Variants in MBNL3 observed in about 807,000 individuals in gnomAD.
MBNL3 encodes the protein muscleblind-like protein 3.
A neutral mutation model predicts 24.5 loss-of-function variants in MBNL3; 6 were observed. The observed-to-expected ratio is 0.25, with a 90% confidence interval of 0.13 to 0.48. The LOEUF is 0.48. Ranked by LOEUF, MBNL3 falls within the 20% of genes least tolerant of loss-of-function variation. MBNL3 has a pLI of 0.99. For synonymous variants in MBNL3, 100 were observed against 101.7 expected (o/e 0.98, Z 0.10); for missense variants, 230 against 293.5 (o/e 0.78, Z 1.58).
chrX:132,440,085 C>T lies in MBNL3; in HGVS notation c.-474G>A, dbSNP rs750014521. On this transcript the variant is annotated 5_prime_UTR_variant, in exon 2 of 9. Transcript: ENST00000370853. Reference sequence around the variant, plus strand: ...AACAAGATTGGGAAGGATGTTAGAACCCAAAAAAAGTTTCGTTGCAAAATC... The same window carrying T: ...AACAAGATTGGGAAGGATGTTAGAATCCAAAAAAAGTTTCGTTGCAAAATC... 8.1e-5 allele frequency among the ~76,000 whole-genome samples: 9 copies of T among 110,579 alleles called. No individual in the cohort carries two copies. The East Asian group carries it at 2.6e-3, about 31-fold the overall frequency.
At chrX:132,463,577 C>A (rs747390492) in intron 1 of MBNL3, among the ~76,000 whole-genome samples, 3 of 112,228 alleles carry the variant, frequency 2.7e-5, no homozygotes, top group Admixed American at 1.9e-4. Flanking sequence ...TATCCACACA[C>A]GGCAAGCCCA....
rs1337903178 is a variant in MBNL3 at position 132,462,974 on chromosome X, C to A, written c.-703-22660G>T. On this transcript the variant is annotated intron_variant, in intron 1 of 8. Coordinates refer to ENST00000370853, the MANE Select transcript of MBNL3 (RefSeq NM_001386889.1). The stretch of plus-strand genomic sequence containing the variant: ...CGGGAAGTTGTCCATAAGCATAGGG[C>A]CCAGAGCTTTTTAATAAACAAAAAA... Among the ~76,000 whole-genome samples the A allele has an allele frequency of 7.2e-5, 8 of 111,181 alleles. No individual in the cohort carries two copies. The East Asian group carries it at 2.2e-3, about 31-fold the overall frequency.
At chrX:132,448,440 T>C (rs1430661267) in intron 1 of MBNL3, among the ~76,000 whole-genome samples, 1 of 112,180 alleles carries the variant, frequency 8.9e-6, no homozygotes, top group Non-Finnish European at 1.9e-5. Context: ...TAGCGGTGTT[T>C]ATAGTATTCT....
intron 1 of MBNL3, among the ~76,000 whole-genome samples, chrX:132,446,881 G>A (rs1371520872): frequency 9.0e-6 from 1 of 111,616 alleles, no homozygotes; most frequent in Non-Finnish European, 1.9e-5. Context: ...GGGTTTTATA[G>A]GTCTTATGTT....
intron 4 of MBNL3, 43 bp from the exon 5 acceptor site, chrX:132,391,126 A>C: frequency 9.8e-7 from 1 of 1,017,881 alleles, no homozygotes; most frequent in Non-Finnish European, 1.4e-6. Flanking sequence ...CACACTGATG[A>C]CTGGAAGCTG....
intron 8 of MBNL3, among the ~76,000 whole-genome samples, chrX:132,380,146 T>C (rs1405749917): frequency 8.9e-6 from 1 of 112,463 alleles, no homozygotes; most frequent in Non-Finnish European, 1.9e-5. Context: ...ATTTTTGAAC[T>C]TTAGAGGAAT....
chrX:132,451,440 C>A (rs1438526942), intron 1 of MBNL3, among the ~76,000 whole-genome samples: 1 of 111,609 alleles, frequency 9.0e-6, no homozygotes, highest in Non-Finnish European at 1.9e-5. Context: ...CCACACAGTT[C>A]GAACTTTGAG....
At position 132,371,416 on chromosome X, in the gene MBNL3, C is replaced by G. The variant is rs1006650100; in HGVS notation, c.*8250G>C. The G allele has an allele frequency of 8.9e-6, 1 of 112,315 alleles. No individual in the cohort carries two copies. The highest frequency in any genetic ancestry group is 3.2e-5 in the African/African-American group (1 of 30,931). The allele number at this position is 112,315 out of a possible 1,213,427, so 9.3% of individuals were successfully genotyped here. On this transcript the variant is annotated 3_prime_UTR_variant, in exon 9 of 9. Transcript: ENST00000370853. ...GGCAGAATAAAGTATTACTAAATTA[C>G]ATTTACTTTCTTAAAGAACAAAAAT... is the stretch of plus-strand genomic sequence containing the variant.
rs754067143 is a variant in MBNL3, at chrX:132,426,359, C to T, written c.177+13076G>A. Among the ~76,000 whole-genome samples the T allele has an allele frequency of 2.7e-5, 3 of 112,023 alleles. No individual in the cohort carries two copies. The South Asian group carries it at 1.1e-3, about 42-fold the overall frequency. On this transcript the variant is annotated intron_variant, in intron 2 of 8. Transcript: ENST00000370853. ...TACTTAACCATGTTGGCTTCATCTG[C>T]ATCTCAATTCCATCGCTAGTTTTCC... is the stretch of plus-strand genomic sequence containing the variant.
intron 2 of MBNL3, chrX:132,430,533 A>G (rs1188260501): frequency 9.0e-6 from 1 of 111,659 alleles, no homozygotes; most frequent in Non-Finnish European, 1.9e-5. Flanking sequence ...CATGACCATG[A>G]CACTTTGGAT....
At chrX:132,488,225 G>GCTAT (rs1411266193) in intron 1 of MBNL3, among the ~76,000 whole-genome samples, 1 of 110,332 alleles carries the variant, frequency 9.1e-6, no homozygotes, top group African/African-American at 3.3e-5. Flanking sequence ...TAGCTAGCTA[G>GCTAT]CTATCTAAGA....
At chrX:132,462,442 G>A (rs1946672818) in intron 1 of MBNL3, among the ~76,000 whole-genome samples, 1 of 112,398 alleles carries the variant, frequency 8.9e-6, no homozygotes, top group African/African-American at 3.2e-5. Context: ...ATCTGCTAGA[G>A]AAGTTCACAG....
intron 2 of MBNL3, among the ~76,000 whole-genome samples, chrX:132,415,960 T>A (rs1238165365): frequency 9.0e-6 from 1 of 110,671 alleles, no homozygotes; most frequent in Non-Finnish European, 1.9e-5. Context: ...GAATGTAAAT[T>A]AGCACAGCCA....
At chrX:132,388,743 T>C (rs551767980) in intron 5 of MBNL3, among the ~76,000 whole-genome samples, 13 of 107,661 alleles carry the variant, frequency 1.2e-4, no homozygotes, top group African/African-American at 2.7e-4. Context: ...GTCTCTCTCT[T>C]TTTTTTTTTA....
chrX:132,386,784 T>A lies in MBNL3; in HGVS notation c.799A>T (p.Ile267Leu). The A allele has an allele frequency of 8.3e-7, 1 of 1,210,922 alleles. No individual in the cohort carries two copies. Among genetic ancestry groups the A allele is most frequent in the Non-Finnish European group, 1.1e-6 (1 of 895,376 alleles). Residue 267 changes from isoleucine (I) to leucine (L), a missense_variant, in exon 6 of 9, where the codon ATA becomes TTA. By Grantham distance (5) the Ile-to-Leu change is conservative (BLOSUM62 2). Coordinates refer to ENST00000370853, the MANE Select transcript of MBNL3 (RefSeq NM_001386889.1). The part of the protein sequence containing the change: ...MALQPGTLQL[I>L]PKRSALEKPN... ...TTTTCCAGTGCTGATCTCTTTGGTA[T>A]CAGTTGCAGTGTACCAGGCTGCAGG...
chrX:132,369,810 G>C lies in MBNL3; in HGVS notation c.*9856C>G, dbSNP rs1222708629. On this transcript the variant is annotated 3_prime_UTR_variant, in exon 9 of 9. Transcript: ENST00000370853. ...CTCTCTCATCAGGAAAACTGGATTT[G>C]TGTGTCTATGTCTGTTGCACTTTGC... 1 of 112,210 alleles carries C rather than the reference G, an allele frequency of 8.9e-6. No individual in the cohort carries two copies. The highest frequency in any genetic ancestry group is 1.9e-5 in the Non-Finnish European group (1 of 53,252). 9.2% of individuals were successfully genotyped at this position (112,210 alleles called of 1,213,427 possible).
At chrX:132,483,532 G>A (rs1410988948) in intron 1 of MBNL3, among the ~76,000 whole-genome samples, 2 of 110,910 alleles carry the variant, frequency 1.8e-5, no homozygotes, top group Admixed American at 9.5e-5. Flanking sequence ...GCTTTCCTGC[G>A]TAGAAGCTGA....
At chrX:132,401,146 G>C (rs1940843552) in intron 3 of MBNL3, among the ~76,000 whole-genome samples, 2 of 110,798 alleles carry the variant, frequency 1.8e-5, no homozygotes, top group Admixed American at 1.9e-4. Context: ...ATAATGTCTG[G>C]GTCACCTTTT....
At chrX:132,479,483 T>TA (rs1456374053) in intron 1 of MBNL3, among the ~76,000 whole-genome samples, 2 of 112,150 alleles carry the variant, frequency 1.8e-5, no homozygotes, top group East Asian at 2.8e-4. Context: ...GAAATATATA[T>TA]TTTTTTGTTC....
Sources: allele counts gnomAD v4.1 joint callset (sites outside exome capture counted in the v4.1 genomes callset), GRCh38; gene constraint gnomAD v4.1.1; transcripts MANE v1.5; gene names NCBI Gene and HGNC (gene_info 2026-07-23, HGNC 2026-07-21).